PARD3B: variants seen among roughly 807,000 people sequenced by gnomAD.
PARD3B encodes par-3 family cell polarity regulator beta, also known as partitioning defective 3 homolog B.
PARD3B carries 103 observed loss-of-function variants against 130.2 expected under a neutral mutation model. That is an observed-to-expected ratio of 0.79 (90% CI 0.67 to 0.93). The LOEUF is 0.93. Ranked by LOEUF, PARD3B falls within the 40% of genes least tolerant of loss-of-function variation. The pLI, the probability that PARD3B is intolerant of heterozygous loss-of-function variation, is 0.00. For missense variants in PARD3B, 1,609 were observed against 1,499.2 expected (o/e 1.07, Z -1.21); for synonymous variants, 583 against 553.2 (o/e 1.05, Z -0.76).
chr2:204,637,941 T>G (rs1201374104), intron 1 of PARD3B, among the ~76,000 whole-genome samples: 1 of 152,030 alleles, frequency 6.6e-6, no homozygotes, highest in African/African-American at 2.4e-5. Flanking sequence ...AGGTGGTGGT[T>G]GTGAGGATGG....
chr2:205,603,318 T>C (rs112620689), intron 22 of PARD3B, among the ~76,000 whole-genome samples: 2,527 of 152,298 alleles, frequency 0.017, 63 homozygotes, highest in African/African-American at 0.057. Context: ...AAAAAGAATG[T>C]ATATTCTGTT....
intron 2 of PARD3B, among the ~76,000 whole-genome samples, chr2:204,750,267 G>C (rs551853267): frequency 6.6e-6 from 1 of 152,242 alleles, no homozygotes; most frequent in South Asian, 2.1e-4. Context: ...TGAAGAAATT[G>C]TTTCTCTTTT....
At chr2:205,275,797 A>G (rs975311154) in intron 16 of PARD3B, among the ~76,000 whole-genome samples, 1 of 138,160 alleles carries the variant, frequency 7.2e-6, no homozygotes, top group Non-Finnish European at 1.5e-5. Context: ...AGATTGCACC[A>G]TTGCACCCCA....
At chr2:205,472,959 G>T (rs900286139) in intron 20 of PARD3B, among the ~76,000 whole-genome samples, 10 of 152,074 alleles carry the variant, frequency 6.6e-5, no homozygotes, top group Non-Finnish European at 7.4e-5. Context: ...ATAAGTGAAT[G>T]AATAAATGAA....
At chr2:205,279,075 A>AC (rs1483779161) in intron 16 of PARD3B, among the ~76,000 whole-genome samples, 6 of 148,754 alleles carry the variant, frequency 4.0e-5, no homozygotes, top group Non-Finnish European at 9.0e-5. Flanking sequence ...TGTCTCAAAA[A>AC]AAAAAAAAAA....
intron 2 of PARD3B, among the ~76,000 whole-genome samples, chr2:204,931,461 GT>G (rs769650012): frequency 6.6e-6 from 1 of 151,930 alleles, no homozygotes; most frequent in African/African-American, 2.4e-5. Context: ...TTTAATGATA[GT>G]TTATTTTAAA....
At chr2:205,098,385 T>C (rs1252296777) in intron 4 of PARD3B, among the ~76,000 whole-genome samples, 3 of 152,160 alleles carry the variant, frequency 2.0e-5, no homozygotes, top group African/African-American at 7.2e-5. Flanking sequence ...TGGCCATATA[T>C]GATCACCTGT....
chr2:205,144,237 GAGA>G (rs1165004343), intron 10 of PARD3B, among the ~76,000 whole-genome samples: 1 of 152,202 alleles, frequency 6.6e-6, no homozygotes. Context: ...AGGAAGATGG[GAGA>G]TATGTGGAGC....
In PARD3B at chr2:205,463,388, AAGGTGGC is replaced by A. The variant is rs896639021; in HGVS notation, c.3044+22719_3044+22725del. 6.6e-6 allele frequency among the ~76,000 whole-genome samples: 1 copy of A among 151,890 alleles called. No individual in the cohort carries two copies. The highest frequency in any genetic ancestry group is 1.5e-5 in the Non-Finnish European group (1 of 67,984). The stretch of plus-strand genomic sequence containing the variant: ...CAGGCACTGCCTTGCGGCCCTTCCA[AAGGTGGC>A]AGAATGATGTTAGTGTTAACATTTC... On this transcript the variant is annotated intron_variant, in intron 20 of 22. Coordinates refer to ENST00000406610, the MANE Select transcript of PARD3B (RefSeq NM_001302769.2). The surrounding 1 kb of genome is among the most constrained non-coding windows in gnomAD (Gnocchi z 4.8).
rs16836732 is a variant in PARD3B at position 204,906,232 on chromosome 2, C to A, written c.223-58920C>A. ...ACTATTTGTCAAAAAGTAAAATGAA[C>A]CCAGCTCTCTCTGTATGAGATTCTG... is the stretch of plus-strand genomic sequence containing the variant. On this transcript the variant is annotated intron_variant, in intron 2 of 22. Coordinates refer to ENST00000406610, the MANE Select transcript of PARD3B (RefSeq NM_001302769.2). This position sits in a 1 kb window ranked among gnomAD's most constrained non-coding sequence, Gnocchi z 4.3. Among the ~76,000 whole-genome samples, 10,254 of 152,090 alleles carry A rather than the reference C, an allele frequency of 0.067. 412 individuals carry two copies. Among genetic ancestry groups the A allele is most frequent in the Middle Eastern group, 0.11 (33 of 294 alleles).
intron 2 of PARD3B, among the ~76,000 whole-genome samples, chr2:204,840,950 C>G (rs953955704): frequency 6.6e-6 from 1 of 152,102 alleles, no homozygotes; most frequent in Non-Finnish European, 1.5e-5. Flanking sequence ...TTACCAGGGT[C>G]AGGCATCCAC....
chr2:205,386,861 A>G (rs1323376080), intron 18 of PARD3B, among the ~76,000 whole-genome samples: 2 of 152,118 alleles, frequency 1.3e-5, no homozygotes, highest in African/African-American at 2.4e-5. Flanking sequence ...TTAGATAAAC[A>G]TGATCTCACA....
At chr2:204,775,418 T>C (rs1347971557) in intron 2 of PARD3B, among the ~76,000 whole-genome samples, 2 of 152,140 alleles carry the variant, frequency 1.3e-5, no homozygotes, top group African/African-American at 4.8e-5. Context: ...AACAAAATGT[T>C]ATCTCTTTTA....
chr2:205,583,786 C>T (rs539541261), intron 22 of PARD3B, among the ~76,000 whole-genome samples: 3 of 152,310 alleles, frequency 2.0e-5, no homozygotes, highest in South Asian at 2.1e-4. Flanking sequence ...AGGTCTGCCA[C>T]AATCTTTAAT....
At chr2:205,569,310 G>A (rs1179846997) in intron 22 of PARD3B, among the ~76,000 whole-genome samples, 2 of 151,802 alleles carry the variant, frequency 1.3e-5, no homozygotes, top group African/African-American at 4.8e-5. Flanking sequence ...AATTATTTTA[G>A]TTTAACTTAA....
chr2:205,332,156 G>GATAGT (rs2043161511), intron 18 of PARD3B, among the ~76,000 whole-genome samples: 1 of 152,112 alleles, frequency 6.6e-6, no homozygotes, highest in Non-Finnish European at 1.5e-5. Flanking sequence ...TAATATAAAA[G>GATAGT]ATAGTATTTT....
intron 2 of PARD3B, among the ~76,000 whole-genome samples, chr2:204,884,517 A>T (rs2046199338): frequency 6.6e-6 from 1 of 152,092 alleles, no homozygotes; most frequent in Non-Finnish European, 1.5e-5. Context: ...ACATAGGTAA[A>T]TGTGTGCCCT....
At chr2:204,857,521 A>G (rs866964453) in intron 2 of PARD3B, among the ~76,000 whole-genome samples, 1 of 152,220 alleles carries the variant, frequency 6.6e-6, no homozygotes, top group African/African-American at 2.4e-5. Flanking sequence ...AGGACACTTC[A>G]TAGGAAAATT....
chr2:205,286,996 C>A (rs147491349), intron 16 of PARD3B, among the ~76,000 whole-genome samples: 1 of 152,244 alleles, frequency 6.6e-6, no homozygotes, highest in African/African-American at 2.4e-5. Context: ...GGTGAGCAAA[C>A]CAATGTAATA....
Sources: allele counts gnomAD v4.1 joint callset (sites outside exome capture counted in the v4.1 genomes callset), GRCh38; gene constraint gnomAD v4.1.1; non-coding constraint Gnocchi (gnomAD v3.1); transcripts MANE v1.5; gene names NCBI Gene and HGNC (gene_info 2026-07-23, HGNC 2026-07-21).